Variants in BDKRB2 observed in about 807,000 individuals in gnomAD.
BDKRB2 encodes the protein B2 bradykinin receptor.
BDKRB2 carries 6 observed loss-of-function variants against 4.0 expected under a neutral mutation model. That is an observed-to-expected ratio of 1.49 (90% CI 0.81 to 2.93). The LOEUF is 2.93. BDKRB2 is among the 30% of genes most tolerant of loss of function. The pLI, the probability that BDKRB2 is intolerant of heterozygous loss-of-function variation, is 0.00. For synonymous variants in BDKRB2, 225 were observed against 215.3 expected, an observed-to-expected ratio of 1.05 and a Z score of -0.40; for missense variants, 478 against 520.1, an observed-to-expected ratio of 0.92 and a Z score of 0.79.
chr14:96,209,209 G>A lies in BDKRB2; in HGVS notation c.-40+4250G>A, dbSNP rs922430301. Among the ~76,000 whole-genome samples, 14 of 152,164 alleles carry A rather than the reference G, an allele frequency of 9.2e-5. No individual in the cohort carries two copies. In the East Asian group the frequency reaches 9.6e-4, roughly 10 times the overall value. On this transcript the variant is annotated intron_variant, in intron 1 of 2. Transcript: ENST00000554311. The stretch of plus-strand genomic sequence containing the variant: ...ACTATTCACTGAAATGACAGACTGC[G>A]GCAAATCTCAATCAATCAAGGTTCA...
chr14:96,210,066 C>T (rs915391063), intron 1 of BDKRB2, among the ~76,000 whole-genome samples: 4 of 152,106 alleles, frequency 2.6e-5, no homozygotes, highest in Non-Finnish European at 5.9e-5. Flanking sequence ...GCTATGCACT[C>T]GTCTCAGGTG....
At chr14:96,212,867 G>A (rs1890332963) in intron 1 of BDKRB2, among the ~76,000 whole-genome samples, 1 of 152,104 alleles carries the variant, frequency 6.6e-6, no homozygotes, top group Admixed American at 6.5e-5. Context: ...AGGAGTTAAC[G>A]CCCCCTCCCC....
chr14:96,214,977 T>C (rs1890385386), intron 1 of BDKRB2, among the ~76,000 whole-genome samples: 2 of 152,194 alleles, frequency 1.3e-5, no homozygotes, highest in South Asian at 4.1e-4. Flanking sequence ...GAGAGTTCCT[T>C]TAAGCACAAA....
Position 96,229,211 on chromosome 14 carries a change from C to T in BDKRB2, c.-39-7858C>T, listed in dbSNP as rs148273685. On this transcript the variant is annotated intron_variant, in intron 1 of 2. Coordinates refer to ENST00000554311, the MANE Select transcript of BDKRB2 (RefSeq NM_001379692.1). Reference sequence around the variant, plus strand: ...CACAAGCAACTCTTATAGCTATACCCTATAATAAATGTTATAGAAGCAGGA... The same window carrying T: ...CACAAGCAACTCTTATAGCTATACCTTATAATAAATGTTATAGAAGCAGGA... 9.2e-5 allele frequency among the ~76,000 whole-genome samples: 14 copies of T among 152,268 alleles called. No individual in the cohort carries two copies. The East Asian group carries it at 1.2e-3, about 13-fold the overall frequency.
Position 96,240,791 on chromosome 14 carries a change from C to A in BDKRB2, c.463C>A (p.Arg155Ser). ...ICFLMLVSID[R>S]YLALVKTMSM... ...TTTCCTGATGCTGGTGAGCATCGACCGCTACCTGGCCCTGGTGAAAACCAT... is the reference window on the plus strand; with the variant it reads ...TTTCCTGATGCTGGTGAGCATCGACAGCTACCTGGCCCTGGTGAAAACCAT... Residue 155 changes from arginine to serine, a missense_variant, in exon 3 of 3, where the codon CGC becomes AGC. Physicochemically the swap from Arg to Ser is moderately radical, Grantham distance 110. Transcript: ENST00000554311. 1.3e-6 allele frequency: 2 copies of A among 1,554,842 alleles called. No individual in the cohort carries two copies. Among genetic ancestry groups the A allele is most frequent in the South Asian group, 1.3e-5 (1 of 79,888 alleles).
chr14:96,229,325 T>A (rs2139787384), intron 1 of BDKRB2, among the ~76,000 whole-genome samples: 1 of 152,060 alleles, frequency 6.6e-6, no homozygotes, highest in East Asian at 1.9e-4. Flanking sequence ...TTAAGAGATG[T>A]ATTGCAAGGA....
chr14:96,240,292 G>A, intron 2 of BDKRB2, 111 bp from the exon 3 acceptor site: 1 of 1,342,724 alleles, frequency 7.4e-7, no homozygotes, highest in African/African-American at 1.5e-5. Context: ...CTCCACCTCG[G>A]CTTCTCCTTG....
rs1288203204 is a variant in BDKRB2, at chr14:96,230,384, T to C, written c.-39-6685T>C. Among the ~76,000 whole-genome samples the C allele has an allele frequency of 3.3e-5, 5 of 152,126 alleles. No homozygotes were observed. The East Asian group carries it at 7.7e-4, about 24-fold the overall frequency. On this transcript the variant is annotated intron_variant, in intron 1 of 2. Transcript: ENST00000554311. ...CCCATTAGTTTTAAATGCTCTTTCA[T>C]GTAGTTATTCTTTTATTTTTATGTT...
intron 2 of BDKRB2, chr14:96,239,786 C>G: frequency 1.0e-6 from 1 of 985,108 alleles, no homozygotes; most frequent in Non-Finnish European, 1.2e-6. Flanking sequence ...CCCAGTAGGA[C>G]TATCTGGCTG....
At chr14:96,210,745 T>G (rs1251451341) in intron 1 of BDKRB2, 2 of 152,214 alleles carry the variant, frequency 1.3e-5, no homozygotes, top group Non-Finnish European at 2.9e-5. Context: ...GGCTTAACTT[T>G]CCCTTTGGCA....
intron 1 of BDKRB2, among the ~76,000 whole-genome samples, chr14:96,209,899 G>A (rs572785464): frequency 6.6e-6 from 1 of 152,256 alleles, no homozygotes; most frequent in African/African-American, 2.4e-5. Context: ...GGGAAGCTGA[G>A]GCAGGAGAAT....
At chr14:96,228,304 G>T (rs984887836) in intron 1 of BDKRB2, among the ~76,000 whole-genome samples, 1 of 152,242 alleles carries the variant, frequency 6.6e-6, no homozygotes, top group Non-Finnish European at 1.5e-5. Context: ...ATGGCTAAGT[G>T]TTAACCAACT....
At chr14:96,225,541 G>GA (rs1890675828) in intron 1 of BDKRB2, among the ~76,000 whole-genome samples, 1 of 152,064 alleles carries the variant, frequency 6.6e-6, no homozygotes, top group African/African-American at 2.4e-5. Flanking sequence ...AGGAACGGAT[G>GA]AAAGGGGCAG....
chr14:96,216,755 G>A (rs1335161922), intron 1 of BDKRB2, among the ~76,000 whole-genome samples: 2 of 115,086 alleles, frequency 1.7e-5, no homozygotes, highest in Non-Finnish European at 3.7e-5. Context: ...GAGGAAGGAG[G>A]AGGAGGAGGA....
At position 96,242,645 on chromosome 14, in the gene BDKRB2, ATT is replaced by A. The variant is rs1885324919; in HGVS notation, c.*1143_*1144del. ...CCCCAACCGCCACACACACAGGAGC[ATT>A]TGGAGAGAAGGCCATGTCTTCAAAG... On this transcript the variant is annotated 3_prime_UTR_variant, in exon 3 of 3. Transcript: ENST00000554311. 1 of 152,482 alleles carries A rather than the reference ATT, an allele frequency of 6.6e-6. No individual in the cohort carries two copies. The highest frequency in any genetic ancestry group is 2.4e-5 in the African/African-American group (1 of 41,588). The allele number at this position is 152,482 out of a possible 1,614,324, so 9.4% of individuals were successfully genotyped here. A position where few individuals can be genotyped will look rare whatever the true frequency, so the allele number is the denominator to read the frequency against.
intron 1 of BDKRB2, chr14:96,210,780 TTC>T (rs1890284919): frequency 6.6e-6 from 1 of 152,214 alleles, no homozygotes; most frequent in Admixed American, 6.5e-5. Context: ...GTCCCAAGAT[TTC>T]TGTTTTCCTT....
At chr14:96,226,637 A>T (rs1890703687) in intron 1 of BDKRB2, among the ~76,000 whole-genome samples, 1 of 139,444 alleles carries the variant, frequency 7.2e-6, no homozygotes. Context: ...CTGGGCAACA[A>T]AAGTGAGACT....
At chr14:96,213,386 G>A (rs1478212302) in intron 1 of BDKRB2, among the ~76,000 whole-genome samples, 2 of 152,098 alleles carry the variant, frequency 1.3e-5, no homozygotes, top group Non-Finnish European at 2.9e-5. Context: ...ATCCCCAGAG[G>A]ACACTGGGAC....
chr14:96,231,359 A>C (rs1890815004), intron 1 of BDKRB2, among the ~76,000 whole-genome samples: 1 of 152,194 alleles, frequency 6.6e-6, no homozygotes, highest in Non-Finnish European at 1.5e-5. Context: ...CACTTCCCAG[A>C]ACCCCGTCTT....
Sources: gnomAD v4.1 joint callset for allele counts (sites outside exome capture counted in the v4.1 genomes callset) on GRCh38, gnomAD v4.1.1 for gene constraint, MANE v1.5 for transcripts, NCBI Gene and HGNC (gene_info 2026-07-23, HGNC 2026-07-21) for gene names.